CDH13: variants seen among roughly 807,000 people sequenced by gnomAD.
CDH13 encodes the protein cadherin-13.
A neutral mutation model predicts 63.8 loss-of-function variants in CDH13; 24 were observed. The ratio of observed to expected loss-of-function variants is 0.38; its 90% CI spans 0.27 to 0.53. The LOEUF is 0.53. Among genes scored for constraint, CDH13 ranks in the 20% least tolerant of loss-of-function variants. CDH13 has a pLI of 0.85. For missense variants in CDH13, 1,049 were observed against 903.1 expected, an observed-to-expected ratio of 1.16 and a Z score of -2.07; for synonymous variants, 503 against 355.3, an observed-to-expected ratio of 1.42 and a Z score of -4.67.
At chr16:83,114,424 T>C (rs563092245) in intron 3 of CDH13, among the ~76,000 whole-genome samples, 1 of 152,278 alleles carries the variant, frequency 6.6e-6, no homozygotes, top group East Asian at 1.9e-4. Context: ...CACTGAGTGG[T>C]GTAATTTACA....
chr16:82,958,559 A>G (rs1301225119), intron 2 of CDH13, among the ~76,000 whole-genome samples: 1 of 152,226 alleles, frequency 6.6e-6, no homozygotes, highest in Non-Finnish European at 1.5e-5. Flanking sequence ...CTTGAGAGGA[A>G]GACAATGAGT....
At chr16:82,941,572 T>C (rs900103086) in intron 2 of CDH13, among the ~76,000 whole-genome samples, 8 of 152,334 alleles carry the variant, frequency 5.3e-5, no homozygotes, top group South Asian at 2.1e-4. Flanking sequence ...GCACACTTTA[T>C]TGAAATTCTA....
At chr16:83,442,172 T>C (rs888231165) in intron 6 of CDH13, among the ~76,000 whole-genome samples, 17 of 152,188 alleles carry the variant, frequency 1.1e-4, no homozygotes, top group Admixed American at 6.5e-4. Context: ...GGGTTTATTA[T>C]TCACTGAGTG....
intron 7 of CDH13, among the ~76,000 whole-genome samples, chr16:83,531,251 C>G (rs1228796963): frequency 6.6e-6 from 1 of 152,190 alleles, no homozygotes; most frequent in Non-Finnish European, 1.5e-5. Flanking sequence ...CTCTGCCATC[C>G]TATAAATCCA....
At chr16:82,962,251 A>T (rs1024549038) in intron 2 of CDH13, among the ~76,000 whole-genome samples, 1 of 152,230 alleles carries the variant, frequency 6.6e-6, no homozygotes, top group African/African-American at 2.4e-5. Context: ...ATATAACCAT[A>T]GAGGCAGAAA....
intron 6 of CDH13, among the ~76,000 whole-genome samples, chr16:83,458,973 G>T (rs34697109): frequency 6.6e-6 from 1 of 152,174 alleles, no homozygotes; most frequent in Non-Finnish European, 1.5e-5. Context: ...ATGATGAAAC[G>T]ACAATTTTTC....
At chr16:83,706,975 G>A (rs1000439194) in intron 10 of CDH13, among the ~76,000 whole-genome samples, 1 of 152,162 alleles carries the variant, frequency 6.6e-6, no homozygotes, top group Non-Finnish European at 1.5e-5. Flanking sequence ...ATAATGGAAA[G>A]TCTCAGCAAG....
intron 4 of CDH13, among the ~76,000 whole-genome samples, chr16:83,136,500 A>G (rs1464301851): frequency 6.6e-6 from 1 of 151,814 alleles, no homozygotes; most frequent in Non-Finnish European, 1.5e-5. Flanking sequence ...AAAAAAAAAA[A>G]AAAAAAAGAA....
intron 5 of CDH13, among the ~76,000 whole-genome samples, chr16:83,286,269 A>C (rs1465498352): frequency 6.6e-6 from 1 of 152,176 alleles, no homozygotes; most frequent in Non-Finnish European, 1.5e-5. Flanking sequence ...AGTTGCATCC[A>C]TATTACAGCT....
At chr16:83,722,675 G>T (rs1035082152) in intron 10 of CDH13, among the ~76,000 whole-genome samples, 1 of 152,196 alleles carries the variant, frequency 6.6e-6, no homozygotes, top group African/African-American at 2.4e-5. Flanking sequence ...GTATCCTGTT[G>T]TCTGTCCCAC....
At chr16:82,937,620 C>G (rs964089354) in intron 2 of CDH13, among the ~76,000 whole-genome samples, 6 of 152,196 alleles carry the variant, frequency 3.9e-5, no homozygotes, top group African/African-American at 1.4e-4. Context: ...AAGCCAGTTG[C>G]AAACAGATAT....
intron 2 of CDH13, among the ~76,000 whole-genome samples, chr16:83,019,836 TAA>T (rs562381483): frequency 0.042 from 4,261 of 100,768 alleles, 92 homozygotes; most frequent in Non-Finnish European, 0.06. Context: ...GAGTACACTC[TAA>T]AAAAAAAAAA....
chr16:82,780,110 A>G (rs143534946), intron 1 of CDH13, among the ~76,000 whole-genome samples: 5 of 152,298 alleles, frequency 3.3e-5, no homozygotes, highest in African/African-American at 9.6e-5. Context: ...GGTGTCTGCA[A>G]TAGTCTCATT....
At chr16:83,194,311 T>A (rs1469537672) in intron 4 of CDH13, among the ~76,000 whole-genome samples, 2 of 152,158 alleles carry the variant, frequency 1.3e-5, no homozygotes, top group Non-Finnish European at 2.9e-5. Flanking sequence ...GCAAGGATGA[T>A]CACGCTTGCT....
At chr16:82,947,468 A>T (rs1443064409) in intron 2 of CDH13, among the ~76,000 whole-genome samples, 1 of 152,198 alleles carries the variant, frequency 6.6e-6, no homozygotes, top group African/African-American at 2.4e-5. Context: ...TTCTGTGTTA[A>T]CTACGATAAT....
At chr16:83,258,500 C>G (rs753299532) in intron 5 of CDH13, among the ~76,000 whole-genome samples, 2 of 152,150 alleles carry the variant, frequency 1.3e-5, no homozygotes, top group Non-Finnish European at 2.9e-5. Context: ...TGATGATGAT[C>G]AAGAAGAGAG....
intron 7 of CDH13, among the ~76,000 whole-genome samples, chr16:83,589,193 GCCAACAGTGTAATGTCT>G (rs1261150078): frequency 6.6e-6 from 1 of 151,704 alleles, no homozygotes; most frequent in East Asian, 1.9e-4. Context: ...CCATCTTAAG[GCCAACAGTGTAATGTCT>G]CTCCTCGTCT....
intron 1 of CDH13, among the ~76,000 whole-genome samples, chr16:82,839,266 C>G (rs986764526): frequency 6.6e-6 from 1 of 152,182 alleles, no homozygotes; most frequent in Non-Finnish European, 1.5e-5. Context: ...AAATTGTTTC[C>G]TCCCCTGGCC....
chr16:83,090,722 G>A (rs1439917006), intron 3 of CDH13, among the ~76,000 whole-genome samples: 1 of 151,980 alleles, frequency 6.6e-6, no homozygotes, highest in Non-Finnish European at 1.5e-5. Flanking sequence ...TGCACGAGTT[G>A]GTGATTAAAC....
Sources: gnomAD v4.1 joint callset for allele counts (sites outside exome capture counted in the v4.1 genomes callset) on GRCh38, gnomAD v4.1.1 for gene constraint, MANE v1.5 for transcripts, NCBI Gene and HGNC (gene_info 2026-07-23, HGNC 2026-07-21) for gene names.